TRIP12: variants seen among roughly 807,000 people sequenced by gnomAD.
TRIP12 encodes the protein E3 ubiquitin-protein ligase TRIP12.
Under a neutral mutation model 244.2 loss-of-function variants are expected in TRIP12, and 25 were observed. That is an observed-to-expected ratio of 0.10 (90% CI 0.07 to 0.14). TRIP12 has a LOEUF of 0.14. Among genes scored for constraint, TRIP12 ranks in the 10% least tolerant of loss-of-function variants. The pLI is 1.00. For missense variants in TRIP12, 1,677 were observed against 2,486.4 expected, an observed-to-expected ratio of 0.67 and a Z score of 6.92; for synonymous variants, 905 against 873.1, an observed-to-expected ratio of 1.04 and a Z score of -0.64.
Position 229,859,420 on chromosome 2 carries a change from A to T in TRIP12, c.379T>A (p.Ser127Thr), listed in dbSNP as rs1413264148. The change falls in exon 4 of 42, where the codon TCT becomes ACT. Residue 127 changes from serine to threonine, a missense_variant. Physicochemically the swap from Ser to Thr is moderately conservative, Grantham distance 58. This residue lies in a region of TRIP12 where 387 missense variants were observed against 392.6 expected (regional missense o/e 0.99). Transcript: ENST00000675903. ...SASPDYNRTNSPSSAKKPKAL... is the reference protein window; with the variant it reads ...SASPDYNRTNTPSSAKKPKAL... Reference sequence around the variant, plus strand: ...TTTGGTTTTTTTGCAGAGCTAGGAGAATTGGTCCTGTTGTAGTCTGGACTA... The same window carrying T: ...TTTGGTTTTTTTGCAGAGCTAGGAGTATTGGTCCTGTTGTAGTCTGGACTA... The T allele has an allele frequency of 5.6e-6, 9 of 1,613,882 alleles. No homozygotes were observed. The highest frequency in any genetic ancestry group is 7.6e-6 in the Non-Finnish European group (9 of 1,180,002).
intron 1 of TRIP12, among the ~76,000 whole-genome samples, chr2:229,889,319 G>C (rs139623600): frequency 6.6e-6 from 1 of 152,324 alleles, no homozygotes; most frequent in African/African-American, 2.4e-5. Flanking sequence ...ACTGTAAGAT[G>C]ATCAATTATC....
chr2:229,852,301 G>C (rs945843047), intron 4 of TRIP12, among the ~76,000 whole-genome samples: 5 of 152,062 alleles, frequency 3.3e-5, no homozygotes, highest in Non-Finnish European at 1.5e-5. Flanking sequence ...CTCAGATTTT[G>C]ATCACCAATT....
chr2:229,814,888 T>C (rs1206421649), intron 11 of TRIP12, among the ~76,000 whole-genome samples: 1 of 152,222 alleles, frequency 6.6e-6, no homozygotes, highest in Non-Finnish European at 1.5e-5. Context: ...AAAGTTATTA[T>C]ATTAATGTGC....
Position 229,803,591 on chromosome 2 carries a change from C to G in TRIP12, c.2978G>C (p.Ser993Thr). 1 of 1,609,676 alleles carries G rather than the reference C, an allele frequency of 6.2e-7. No individual in the cohort carries two copies. Among genetic ancestry groups the G allele is most frequent in the East Asian group, 2.2e-5 (1 of 44,728 alleles). Reference sequence around the variant, plus strand: ...ATTACCTTCTCTTCTGAAGTAAACACTAAAAATATCAGGTAACTTCTGCAT... The same window carrying G: ...ATTACCTTCTCTTCTGAAGTAAACAGTAAAAATATCAGGTAACTTCTGCAT... ...ILMQKLPDIFSVYFRREGVMH... is the reference protein window; with the variant it reads ...ILMQKLPDIFTVYFRREGVMH... Residue 993 changes from serine to threonine, a missense_variant, in exon 20 of 42, where the codon AGT becomes ACT. Physicochemically the swap from Ser to Thr is moderately conservative, Grantham distance 58. Coordinates refer to ENST00000675903, the MANE Select transcript of TRIP12 (RefSeq NM_001348323.3).
chr2:229,858,235 C>T (rs1175252302), intron 4 of TRIP12, among the ~76,000 whole-genome samples: 1 of 152,052 alleles, frequency 6.6e-6, no homozygotes, highest in Non-Finnish European at 1.5e-5. Context: ...ATGGTGTGCA[C>T]ACTTGTAATC....
rs773267138 is a variant in TRIP12 at position 229,859,316 on chromosome 2, C to T, written c.483G>A (p.Glu161=). 12 of 1,614,190 alleles carry T rather than the reference C, an allele frequency of 7.4e-6. No homozygotes were observed. The highest frequency in any genetic ancestry group is 2.5e-6 in the Non-Finnish European group (3 of 1,180,028). ...GTGATTGTGCAGATTTCAGTTGTTG[C>T]TCCTGGTCTAAATGTCTCTTCTTTG... is the stretch of plus-strand genomic sequence containing the variant. ...SKSKKRHLDQ[E]QQLKSAQSPS... Residue 161 remains glutamate, a synonymous_variant, in exon 4 of 42, where the codon GAG becomes GAA. Coordinates refer to ENST00000675903, the MANE Select transcript of TRIP12 (RefSeq NM_001348323.3).
chr2:229,872,975 A>G (rs1039606068), intron 2 of TRIP12, among the ~76,000 whole-genome samples: 1 of 152,242 alleles, frequency 6.6e-6, no homozygotes, highest in African/African-American at 2.4e-5. Flanking sequence ...CCAATTAAAA[A>G]GTCAGTTCTC....
At chr2:229,915,510 T>G (rs1212873350) in intron 1 of TRIP12, among the ~76,000 whole-genome samples, 1 of 152,138 alleles carries the variant, frequency 6.6e-6, no homozygotes, top group African/African-American at 2.4e-5. Context: ...TATCTTATTT[T>G]ATTTTCACAA....
At chr2:229,824,337 CAT>C (rs761858637) in intron 8 of TRIP12, among the ~76,000 whole-genome samples, 3 of 152,336 alleles carry the variant, frequency 2.0e-5, no homozygotes, top group South Asian at 4.1e-4. Flanking sequence ...GTCATTCACA[CAT>C]GACTGGTGGA....
chr2:229,827,213 T>G (rs1208999190), intron 8 of TRIP12, among the ~76,000 whole-genome samples: 2 of 150,212 alleles, frequency 1.3e-5, no homozygotes, highest in Admixed American at 6.7e-5. Flanking sequence ...CTGGGAGGAG[T>G]AGGTTGCAGT....
chr2:229,832,742 T>C (rs905733369), intron 6 of TRIP12, among the ~76,000 whole-genome samples: 3 of 152,170 alleles, frequency 2.0e-5, no homozygotes, highest in African/African-American at 7.2e-5. Context: ...ACTTCACAGG[T>C]TGTACCCTTA....
chr2:229,799,268 C>T lies in TRIP12; in HGVS notation c.3307+15G>A. 1 of 1,612,432 alleles carries T rather than the reference C, an allele frequency of 6.2e-7. No homozygotes were observed. Among genetic ancestry groups the T allele is most frequent in the South Asian group, 1.1e-5 (1 of 91,022 alleles). On this transcript the variant is annotated intron_variant, in intron 22 of 41. Transcript: ENST00000675903. ...CCTCCCCTTTACCTCCCCATAGTTT[C>T]ATCAAAGGGGTTACCTTGATTGTCT...
intron 1 of TRIP12, among the ~76,000 whole-genome samples, chr2:229,898,036 A>G (rs1450691355): frequency 6.6e-6 from 1 of 152,218 alleles, no homozygotes; most frequent in Admixed American, 6.5e-5. Context: ...TATTTAATAC[A>G]GTCAAATTAG....
chr2:229,881,922 G>C (rs1188127636), intron 1 of TRIP12, among the ~76,000 whole-genome samples: 1 of 152,186 alleles, frequency 6.6e-6, no homozygotes, highest in African/African-American at 2.4e-5. Flanking sequence ...AATCATTTTT[G>C]TTGTCATTGA....
intron 11 of TRIP12, chr2:229,814,629 T>C (rs1156656143): frequency 7.9e-6 from 2 of 253,692 alleles, no homozygotes; most frequent in East Asian, 1.6e-4. Context: ...AATTTTAAAA[T>C]CAGATTTTAA....
intron 1 of TRIP12, among the ~76,000 whole-genome samples, chr2:229,897,964 C>T (rs1229107897): frequency 6.6e-6 from 1 of 151,496 alleles, no homozygotes; most frequent in Non-Finnish European, 1.5e-5. Context: ...CAATGAGAGT[C>T]TCCTCCCAAG....
Position 229,768,494 on chromosome 2 carries a change from A to G in TRIP12, c.6007+122T>C, listed in dbSNP as rs1173144048. On this transcript the variant is annotated intron_variant, in intron 41 of 41. Coordinates refer to ENST00000675903, the MANE Select transcript of TRIP12 (RefSeq NM_001348323.3). The stretch of plus-strand genomic sequence containing the variant: ...AGTGGTCTCAATGTACTATAATGAT[A>G]CTGGAATAACTAAGAGGCACTGCAA... The G allele has an allele frequency of 3.7e-6, 3 of 810,644 alleles. No homozygotes were observed. In the East Asian group the frequency reaches 7.9e-5, roughly 21 times the overall value. 50.2% of individuals were successfully genotyped at this position (810,644 alleles called of 1,614,324 possible).
intron 1 of TRIP12, among the ~76,000 whole-genome samples, chr2:229,899,200 C>G (rs1301700370): frequency 2.0e-5 from 3 of 152,254 alleles, no homozygotes; most frequent in East Asian, 1.9e-4. Context: ...AGCAATCCAC[C>G]CACCTTGGCC....
At chr2:229,854,921 T>C (rs1448544659) in intron 4 of TRIP12, among the ~76,000 whole-genome samples, 5 of 152,136 alleles carry the variant, frequency 3.3e-5, no homozygotes, top group African/African-American at 1.2e-4. Context: ...ACAGGTAACT[T>C]TACTAATGAT....
Sources: allele counts gnomAD v4.1 joint callset (sites outside exome capture counted in the v4.1 genomes callset), GRCh38; gene constraint gnomAD v4.1.1; regional missense constraint gnomAD v4.1.1; transcripts MANE v1.5; gene names NCBI Gene and HGNC (gene_info 2026-07-23, HGNC 2026-07-21).